The following MYH10 variants were observed in gnomAD, a reference collection of about 807,000 sequenced individuals.
The protein encoded by MYH10 is myosin-10.
Under a neutral mutation model 257.8 loss-of-function variants are expected in MYH10, and 55 were observed. The ratio of observed to expected loss-of-function variants is 0.21; its 90% CI spans 0.17 to 0.27. The LOEUF is 0.27. Ranked by LOEUF, MYH10 falls within the 10% of genes least tolerant of loss-of-function variation. MYH10 has a pLI of 1.00. For synonymous variants in MYH10, 854 were observed against 921.7 expected (o/e 0.93, Z 1.33); for missense variants, 1,631 against 2,500.6 (o/e 0.65, Z 7.42).
At chr17:8,523,076 A>C (rs549275384) in intron 17 of MYH10, among the ~76,000 whole-genome samples, 4 of 152,162 alleles carry the variant, frequency 2.6e-5, no homozygotes, top group Non-Finnish European at 5.9e-5. Context: ...ATAAGGCACA[A>C]TACAAATGCT....
At position 8,487,478 on chromosome 17, in the gene MYH10, C is replaced by T; in HGVS notation, c.5001G>A (p.Ala1667=). The change falls in exon 36 of 43, where the codon GCG becomes GCA. Residue 1667 remains alanine, a synonymous_variant. Transcript: ENST00000360416. ...TAATCACCTCATCCCGAGCTTTGTT[C>T]GCAGCCTCGATTTGGGCTTCGAGGT... ...LKDLEAQIEA[A]NKARDEVIKQ... is the part of the protein sequence containing the mutation. The T allele has an allele frequency of 6.2e-6, 10 of 1,614,186 alleles. No homozygotes were observed. The highest frequency in any genetic ancestry group is 2.2e-5 in the East Asian group (1 of 44,880).
intron 2 of MYH10, among the ~76,000 whole-genome samples, chr17:8,622,634 T>C (rs923715789): frequency 6.6e-6 from 1 of 152,214 alleles, no homozygotes; most frequent in African/African-American, 2.4e-5. Context: ...TCCCACCTTA[T>C]TATGCTCCAG....
chr17:8,581,673 A>T lies in MYH10; in HGVS notation c.531-4335T>A, dbSNP rs183651601. 3.0e-3 allele frequency among the ~76,000 whole-genome samples: 463 copies of T among 152,342 alleles called. 3 individuals carry two copies. The highest frequency in any genetic ancestry group is 0.011 in the African/African-American group (443 of 41,578). On this transcript the variant is annotated intron_variant, in intron 4 of 42. Transcript: ENST00000360416. Reference sequence around the variant, plus strand: ...TGGGTCTTATATTGCCCACTATAAAATGGGGATAATAGCTCCTAATACATA... The same window carrying T: ...TGGGTCTTATATTGCCCACTATAAATTGGGGATAATAGCTCCTAATACATA...
chr17:8,546,424 TA>T, intron 12 of MYH10, 119 bp downstream of exon 12: 4 of 760,624 alleles, frequency 5.3e-6, no homozygotes, highest in African/African-American at 1.8e-5. Flanking sequence ...ATTTAGTACC[TA>T]AAAACACCCA....
chr17:8,486,543 CAA>C (rs67844660), intron 36 of MYH10, among the ~76,000 whole-genome samples: 12 of 120,750 alleles, frequency 9.9e-5, no homozygotes, highest in African/African-American at 3.7e-4. Context: ...TATTTAGCTT[CAA>C]AAAAAAAAAA....
chr17:8,520,114 T>C (rs1019237703), intron 19 of MYH10, among the ~76,000 whole-genome samples: 34 of 152,350 alleles, frequency 2.2e-4, no homozygotes, highest in Admixed American at 4.6e-4. Context: ...CAACATGTTT[T>C]TAGGAATCAC....
At chr17:8,519,744 T>C (rs2081587470) in intron 19 of MYH10, among the ~76,000 whole-genome samples, 1 of 152,082 alleles carries the variant, frequency 6.6e-6, no homozygotes, top group South Asian at 2.1e-4. Context: ...AAGACCATTC[T>C]TTGACCTGGC....
At chr17:8,596,554 G>A (rs1015823024) in intron 3 of MYH10, among the ~76,000 whole-genome samples, 5 of 150,972 alleles carry the variant, frequency 3.3e-5, no homozygotes, top group African/African-American at 1.2e-4. Context: ...ATCCAGTTTC[G>A]AAGTCCTTCA....
chr17:8,586,030 A>T (rs2152039265), intron 4 of MYH10, among the ~76,000 whole-genome samples: 1 of 152,258 alleles, frequency 6.6e-6, no homozygotes, highest in East Asian at 1.9e-4. Context: ...CATCATCTAA[A>T]CTTTAGCAGG....
In MYH10 at chr17:8,520,922, G is replaced by A. The variant is rs944906593; in HGVS notation, c.2229C>T (p.Arg743=). 2 of 1,613,776 alleles carry A rather than the reference G, an allele frequency of 1.2e-6. No homozygotes were observed. Among genetic ancestry groups the A allele is most frequent in the Non-Finnish European group, 1.7e-6 (2 of 1,179,778 alleles). ...AAACTATTCGGTTAGGGAAGCCCTG[G>A]CGACAGATTCGGATCCCTTCCAGGA... is the stretch of plus-strand genomic sequence containing the variant. ...NGVLEGIRIC[R]QGFPNRIVFQ... The change falls in exon 19 of 43, where the codon CGC becomes CGT. Residue 743 remains arginine, a synonymous_variant. Transcript: ENST00000360416.
At chr17:8,618,594 G>A (rs2085351292) in intron 2 of MYH10, among the ~76,000 whole-genome samples, 1 of 152,182 alleles carries the variant, frequency 6.6e-6, no homozygotes, top group Non-Finnish European at 1.5e-5. Flanking sequence ...AACCCTATCA[G>A]TGAACTTCTC....
intron 7 of MYH10, among the ~76,000 whole-genome samples, chr17:8,564,898 T>C (rs111950683): frequency 0.017 from 2,600 of 152,244 alleles, 83 homozygotes; most frequent in African/African-American, 0.058. Flanking sequence ...TCCTCAGATA[T>C]GGTTTTAGAC....
In MYH10 at chr17:8,552,756, G is replaced by C. The variant is rs991175343; in HGVS notation, c.821-612C>G. ...CTTTCCCATATGCCTTGACAGCTACGATGAGATTAAGCACTAGTCTTCCCT... is the reference window on the plus strand; with the variant it reads ...CTTTCCCATATGCCTTGACAGCTACCATGAGATTAAGCACTAGTCTTCCCT... On this transcript the variant is annotated intron_variant, in intron 8 of 42. Transcript: ENST00000360416. This position sits in a 1 kb window ranked among gnomAD's most constrained non-coding sequence, Gnocchi z 4.8. Among the ~76,000 whole-genome samples, 1 of 152,158 alleles carries C rather than the reference G, an allele frequency of 6.6e-6. No homozygotes were observed. The highest frequency in any genetic ancestry group is 1.5e-5 in the Non-Finnish European group (1 of 68,022).
intron 11 of MYH10, among the ~76,000 whole-genome samples, 184 bp downstream of exon 11, chr17:8,548,129 C>T (rs530402001): frequency 6.6e-6 from 1 of 152,228 alleles, no homozygotes; most frequent in African/African-American, 2.4e-5. Flanking sequence ...TCATCCTACA[C>T]CCTGTCCCCT....
intron 17 of MYH10, 71 bp downstream of exon 17, chr17:8,530,552 C>G: frequency 1.9e-6 from 1 of 538,696 alleles, no homozygotes; most frequent in South Asian, 2.3e-5. Context: ...CCCTGCCAGT[C>G]CCCCCACACG....
intron 17 of MYH10, among the ~76,000 whole-genome samples, chr17:8,524,159 G>A (rs2081755968): frequency 6.6e-6 from 1 of 152,078 alleles, no homozygotes; most frequent in Non-Finnish European, 1.5e-5. Flanking sequence ...GAGCAATGAA[G>A]GCCAGGCATA....
intron 7 of MYH10, among the ~76,000 whole-genome samples, chr17:8,559,250 A>C (rs889123393): frequency 6.6e-6 from 1 of 152,136 alleles, no homozygotes; most frequent in Admixed American, 6.5e-5. Context: ...AATGTTTGTG[A>C]AATGTTTTTC....
At chr17:8,554,261 G>C (rs2082721596) in intron 7 of MYH10, 1 of 255,562 alleles carries the variant, frequency 3.9e-6, no homozygotes, top group South Asian at 6.4e-5. Context: ...ATAAAAGAAA[G>C]TAGTGAGATC....
intron 4 of MYH10, among the ~76,000 whole-genome samples, chr17:8,583,292 T>C (rs959715486): frequency 3.9e-5 from 6 of 152,220 alleles, no homozygotes; most frequent in East Asian, 3.8e-4. Context: ...TTCCATAACA[T>C]AGATGTCATC....
Sources: gnomAD v4.1 joint callset for allele counts (sites outside exome capture counted in the v4.1 genomes callset) on GRCh38, gnomAD v4.1.1 for gene constraint, Gnocchi (gnomAD v3.1) non-coding constraint, MANE v1.5 for transcripts, NCBI Gene and HGNC (gene_info 2026-07-23, HGNC 2026-07-21) for gene names.